BCAT1: variants seen among roughly 807,000 people sequenced by gnomAD.
BCAT1 encodes branched-chain-amino-acid aminotransferase, cytosolic.
BCAT1 carries 48 observed loss-of-function variants against 52.4 expected under a neutral mutation model. The observed-to-expected ratio is 0.92, with a 90% CI of 0.73 to 1.16. The LOEUF is 1.16. Ranked by LOEUF, BCAT1 falls within the 50% of genes most tolerant of loss-of-function variation. The pLI is 0.00. For missense variants in BCAT1, 451 were observed against 457.1 expected (o/e 0.99, Z 0.12); for synonymous variants, 167 against 161.3 (o/e 1.04, Z -0.27).
In BCAT1 at chr12:24,942,315, C is replaced by T. The variant is rs138313297; in HGVS notation, c.6+6612G>A. ...CAGTAGTTTGGGAGGCCAAGGCGGGCGGATCACTTGAGGTCAAGAGTTCTA... is the reference window on the plus strand; with the variant it reads ...CAGTAGTTTGGGAGGCCAAGGCGGGTGGATCACTTGAGGTCAAGAGTTCTA... On this transcript the variant is annotated intron_variant, in intron 1 of 10. Coordinates refer to ENST00000261192, the MANE Select transcript of BCAT1 (RefSeq NM_005504.7). Among the ~76,000 whole-genome samples, 368 of 152,038 alleles carry T rather than the reference C, an allele frequency of 2.4e-3. 6 individuals carry two copies. Among genetic ancestry groups the T allele is most frequent in the African/African-American group, 8.4e-3 (347 of 41,456 alleles).
chr12:24,810,430 T>A lies in BCAT1; in HGVS notation c.*7578A>T, dbSNP rs1338970959. 1.3e-5 allele frequency: 2 copies of A among 152,224 alleles called. No individual in the cohort carries two copies. The highest frequency in any genetic ancestry group is 2.9e-5 in the Non-Finnish European group (2 of 68,038). The allele number at this position is 152,224 out of a possible 1,614,324, so 9.4% of individuals were successfully genotyped here. On this transcript the variant is annotated 3_prime_UTR_variant, in exon 11 of 11. Transcript: ENST00000261192. Reference sequence around the variant, plus strand: ...AATTTGAAATATCCCCTTTTCTTTTTGTTTTGTACTAAATCAATGTAGAAA... The same window carrying A: ...AATTTGAAATATCCCCTTTTCTTTTAGTTTTGTACTAAATCAATGTAGAAA...
rs183781119 is a variant in BCAT1, at chr12:24,881,257, G to A, written c.390+44C>T. 8.0e-4 allele frequency: 1,127 copies of A among 1,401,210 alleles called. 12 individuals carry two copies. The South Asian group carries it at 8.4e-3, about 10-fold the overall frequency. 86.8% of individuals were successfully genotyped at this position (1,401,210 alleles called of 1,614,324 possible). A position where few individuals can be genotyped will look rare whatever the true frequency, so the allele number is the denominator to read the frequency against. On this transcript the variant is annotated intron_variant, in intron 4 of 10. Coordinates refer to ENST00000261192, the MANE Select transcript of BCAT1 (RefSeq NM_005504.7). Reference sequence around the variant, plus strand: ...TATTTGGTGGTCAACACCGTGACCCGTTACATTAAAAGAAACACAAAAGAA... The same window carrying A: ...TATTTGGTGGTCAACACCGTGACCCATTACATTAAAAGAAACACAAAAGAA...
intron 1 of BCAT1, among the ~76,000 whole-genome samples, chr12:24,921,733 A>G (rs544913083): frequency 6.6e-6 from 1 of 152,332 alleles, no homozygotes; most frequent in East Asian, 1.9e-4. Flanking sequence ...AATATTTAAG[A>G]TGGGTTGGTA....
intron 10 of BCAT1, among the ~76,000 whole-genome samples, chr12:24,824,563 G>C (rs1247336587): frequency 6.6e-6 from 1 of 152,114 alleles, no homozygotes; most frequent in Admixed American, 6.6e-5. Context: ...GCCTCCCAAA[G>C]TTTTAGGATT....
At position 24,810,557 on chromosome 12, in the gene BCAT1, C is replaced by T. The variant is rs531461589; in HGVS notation, c.*7451G>A. 2 of 152,284 alleles carry T rather than the reference C, an allele frequency of 1.3e-5. No individual in the cohort carries two copies. Among genetic ancestry groups the T allele is most frequent in the African/African-American group, 4.8e-5 (2 of 41,562 alleles). The allele number at this position is 152,284 out of a possible 1,614,324, so 9.4% of individuals were successfully genotyped here. On this transcript the variant is annotated 3_prime_UTR_variant, in exon 11 of 11. Transcript: ENST00000261192. ...CCTCAGGAATGACAGGTCTCTCTTT[C>T]TCACGCTTGTGGGAATTGAGCGTTG...
intron 1 of BCAT1, among the ~76,000 whole-genome samples, chr12:24,946,849 A>T (rs1466583606): frequency 3.3e-5 from 5 of 152,252 alleles, no homozygotes; most frequent in Non-Finnish European, 5.9e-5. Context: ...ACTCATTTCA[A>T]ATAATTAGAT....
intron 5 of BCAT1, among the ~76,000 whole-genome samples, chr12:24,851,810 A>T (rs1941522066): frequency 1.3e-5 from 2 of 152,192 alleles, no homozygotes; most frequent in South Asian, 4.1e-4. Flanking sequence ...TTTTCTTCCC[A>T]GCTACGATAA....
intron 5 of BCAT1, among the ~76,000 whole-genome samples, chr12:24,864,015 T>C (rs926357337): frequency 1.3e-5 from 2 of 152,190 alleles, no homozygotes; most frequent in Admixed American, 1.3e-4. Context: ...CTGCTGCCTG[T>C]TTTTATTGCT....
At chr12:24,853,456 G>A (rs186114294) in intron 5 of BCAT1, among the ~76,000 whole-genome samples, 2 of 152,268 alleles carry the variant, frequency 1.3e-5, no homozygotes, top group African/African-American at 4.8e-5. Flanking sequence ...CAAAAGAGGG[G>A]GAGGGGAAAA....
At chr12:24,836,961 G>A (rs1214437261) in intron 7 of BCAT1, among the ~76,000 whole-genome samples, 2,128 of 56,792 alleles carry the variant, frequency 0.037, 86 homozygotes, top group Middle Eastern at 0.071. Flanking sequence ...AAAGAAAAGA[G>A]AAAGAAAGAA....
chr12:24,829,690 C>T (rs1940566010), intron 10 of BCAT1, 133 bp downstream of exon 10: 1 of 746,024 alleles, frequency 1.3e-6, no homozygotes. Flanking sequence ...TTAAATTTAA[C>T]TTATTGATCT....
chr12:24,898,641 AG>A (rs1357368776), intron 2 of BCAT1, among the ~76,000 whole-genome samples: 1 of 145,098 alleles, frequency 6.9e-6, no homozygotes, highest in Non-Finnish European at 1.5e-5. Context: ...TCAGCCTCCC[AG>A]GTAGCTGGGA....
intron 7 of BCAT1, among the ~76,000 whole-genome samples, chr12:24,837,038 A>AAAAAG (rs935277891): frequency 2.2e-5 from 3 of 139,464 alleles, no homozygotes; most frequent in African/African-American, 7.8e-5. Flanking sequence ...GAAAGAAAGA[A>AAAAAG]AAAAGAAAAG....
At chr12:24,902,542 G>T in intron 1 of BCAT1, 1 of 506,268 alleles carries the variant, frequency 2.0e-6, no homozygotes, top group Non-Finnish European at 2.8e-6. Context: ...GATCCAAGGA[G>T]GCAGAAGGCT....
chr12:24,878,079 A>G (rs547005106), intron 5 of BCAT1, among the ~76,000 whole-genome samples: 1 of 151,948 alleles, frequency 6.6e-6, no homozygotes, highest in South Asian at 2.1e-4. Flanking sequence ...ACTTGAGCCC[A>G]GGAGGTCAAA....
chr12:24,849,582 C>T (rs779126518), intron 6 of BCAT1, among the ~76,000 whole-genome samples: 7 of 152,150 alleles, frequency 4.6e-5, no homozygotes, highest in African/African-American at 1.4e-4. Context: ...CATCTAAAAG[C>T]GAGGGCACTG....
At chr12:24,848,171 G>GTCCAC (rs1380632134) in intron 6 of BCAT1, among the ~76,000 whole-genome samples, 4 of 152,070 alleles carry the variant, frequency 2.6e-5, no homozygotes, top group African/African-American at 7.2e-5. Context: ...ATGGATCATA[G>GTCCAC]TCCACCTGAG....
At chr12:24,897,631 G>T (rs996687788) in intron 2 of BCAT1, among the ~76,000 whole-genome samples, 1 of 152,162 alleles carries the variant, frequency 6.6e-6, no homozygotes, top group Non-Finnish European at 1.5e-5. Flanking sequence ...TGGGCTCACT[G>T]CAACCTCCGC....
intron 1 of BCAT1, among the ~76,000 whole-genome samples, chr12:24,926,797 A>C (rs1191886469): frequency 1.3e-5 from 2 of 152,224 alleles, no homozygotes; most frequent in East Asian, 3.8e-4. Flanking sequence ...CCTAATCTCA[A>C]GTACCCAGGG....
Sources: allele counts gnomAD v4.1 joint callset (sites outside exome capture counted in the v4.1 genomes callset), GRCh38; gene constraint gnomAD v4.1.1; transcripts MANE v1.5; gene names NCBI Gene and HGNC (gene_info 2026-07-23, HGNC 2026-07-21).